The following AGPAT4 variants were observed in gnomAD, a reference collection of about 807,000 sequenced individuals.
AGPAT4 encodes 1-acylglycerol-3-phosphate O-acyltransferase 4.
Under a neutral mutation model 48.0 loss-of-function variants are expected in AGPAT4, and 15 were observed. The ratio of observed to expected loss-of-function variants is 0.31; its 90% CI spans 0.21 to 0.48. AGPAT4 has a LOEUF of 0.48. Ranked by LOEUF, AGPAT4 falls within the 20% of genes least tolerant of loss-of-function variation. AGPAT4 has a pLI of 0.99. For synonymous variants in AGPAT4, 178 were observed against 198.7 expected (o/e 0.90, Z 0.88); for missense variants, 314 against 482.5 (o/e 0.65, Z 3.27).
Position 161,159,232 on chromosome 6 carries a change from C to T in AGPAT4, c.349-4922G>A, listed in dbSNP as rs1362616883. On this transcript the variant is annotated intron_variant, in intron 3 of 8. Transcript: ENST00000320285. The surrounding 1 kb of genome is among the most constrained non-coding windows in gnomAD (Gnocchi z 4.1). ...GTCTCCCCATAGCACAGCCTCCATTCTGATGTATGGTGCATAAGCGCATCA... is the reference window on the plus strand; with the variant it reads ...GTCTCCCCATAGCACAGCCTCCATTTTGATGTATGGTGCATAAGCGCATCA... Among the ~76,000 whole-genome samples the T allele has an allele frequency of 1.3e-5, 2 of 152,198 alleles. No homozygotes were observed. Among genetic ancestry groups the T allele is most frequent in the Non-Finnish European group, 2.9e-5 (2 of 68,042 alleles).
chr6:161,139,423 C>T lies in AGPAT4; in HGVS notation c.1041G>A (p.Val347=). The change falls in exon 8 of 9, where the codon GTG becomes GTA. Residue 347 remains valine, a splice_region_variant and synonymous_variant. Coordinates refer to ENST00000320285, the MANE Select transcript of AGPAT4 (RefSeq NM_020133.3). The surrounding 1 kb of genome is among the most constrained non-coding windows in gnomAD (Gnocchi z 9.1). ...TLASFILVFF[V]ASVGVRWMIG... is the part of the protein sequence containing the mutation. The stretch of plus-strand genomic sequence containing the variant: ...ACCAGCCCCTTGCCCTCCACTCACC[C>T]ACAAAGAAGACGAGGATGAAGCTGG... 6.2e-7 allele frequency: 1 copy of T among 1,613,926 alleles called. No individual in the cohort carries two copies. The highest frequency in any genetic ancestry group is 1.1e-5 in the South Asian group (1 of 91,064).
At chr6:161,228,660 G>GAAAAAAAAAAAAAA (rs1562347784) in intron 2 of AGPAT4, among the ~76,000 whole-genome samples, 1 of 53,018 alleles carries the variant, frequency 1.9e-5, no homozygotes, top group African/African-American at 1.8e-4. Context: ...TGTCAGAGAG[G>GAAAAAAAAAAAAAA]TAAAAAAAAA....
chr6:161,210,087 T>G (rs530297099), intron 2 of AGPAT4, among the ~76,000 whole-genome samples: 1 of 152,322 alleles, frequency 6.6e-6, no homozygotes, highest in East Asian at 1.9e-4. Flanking sequence ...TCTCCCTTTT[T>G]GAAGACCCAG....
chr6:161,255,897 T>A lies in AGPAT4; in HGVS notation c.-90+18041A>T, dbSNP rs1254559736. 6.6e-6 allele frequency among the ~76,000 whole-genome samples: 1 copy of A among 152,104 alleles called. No homozygotes were observed. Among genetic ancestry groups the A allele is most frequent in the Non-Finnish European group, 1.5e-5 (1 of 68,024 alleles). On this transcript the variant is annotated intron_variant, in intron 1 of 8. Transcript: ENST00000320285. The surrounding 1 kb of genome is among the most constrained non-coding windows in gnomAD (Gnocchi z 4.7). The stretch of plus-strand genomic sequence containing the variant: ...TAAATTATATCTCAATAAAGCTGTA[T>A]GTAAAAACAAAGAAAAAAACACTGG...
Position 161,208,876 on chromosome 6 carries a change from A to G in AGPAT4, c.178+23160T>C, listed in dbSNP as rs1053322460. Reference sequence around the variant, plus strand: ...TGCACAGCTGCCTAACAGGAAAAAAATCATTAATAATCAGGTGAAACAATG... The same window carrying G: ...TGCACAGCTGCCTAACAGGAAAAAAGTCATTAATAATCAGGTGAAACAATG... On this transcript the variant is annotated intron_variant, in intron 2 of 8. Transcript: ENST00000320285. The surrounding 1 kb of genome is among the most constrained non-coding windows in gnomAD (Gnocchi z 4.6). Among the ~76,000 whole-genome samples the G allele has an allele frequency of 6.6e-6, 1 of 152,228 alleles. No individual in the cohort carries two copies. The highest frequency in any genetic ancestry group is 2.4e-5 in the African/African-American group (1 of 41,456).
In AGPAT4 at chr6:161,225,249, C is replaced by T. The variant is rs1186688389; in HGVS notation, c.178+6787G>A. ...CCATTTTTCCCGCCAAACCACTCAC[C>T]CCGTCACTCTCTTTAAATTAGCCAA... On this transcript the variant is annotated intron_variant, in intron 2 of 8. Transcript: ENST00000320285. The surrounding 1 kb of genome is among the most constrained non-coding windows in gnomAD (Gnocchi z 5.0). 6.6e-6 allele frequency among the ~76,000 whole-genome samples: 1 copy of T among 152,158 alleles called. No individual in the cohort carries two copies. The highest frequency in any genetic ancestry group is 1.9e-4 in the East Asian group (1 of 5,192).
Position 161,249,732 on chromosome 6 carries a change from A to G in AGPAT4, c.-89-17430T>C, listed in dbSNP as rs1782753778. Among the ~76,000 whole-genome samples, 1 of 152,094 alleles carries G rather than the reference A, an allele frequency of 6.6e-6. No homozygotes were observed. The highest frequency in any genetic ancestry group is 6.5e-5 in the Admixed American group (1 of 15,274). On this transcript the variant is annotated intron_variant, in intron 1 of 8. Transcript: ENST00000320285. This position sits in a 1 kb window ranked among gnomAD's most constrained non-coding sequence, Gnocchi z 6.2. ...GGTGGGAGTGTAAGTTAGTTCAACC[A>G]TTGTGGAAAACAGTGTCGCAATTCC...
In AGPAT4 at chr6:161,204,308, T is replaced by A. The variant is rs1781320189; in HGVS notation, c.178+27728A>T. Among the ~76,000 whole-genome samples the A allele has an allele frequency of 1.3e-5, 2 of 152,226 alleles. No individual in the cohort carries two copies. The highest frequency in any genetic ancestry group is 4.8e-5 in the African/African-American group (2 of 41,468). ...ATGTCTGAAATTTGAGGAGATGATC[T>A]CTAAGTTGGCCCGAATACATTTTCA... is the stretch of plus-strand genomic sequence containing the variant. On this transcript the variant is annotated intron_variant, in intron 2 of 8. Transcript: ENST00000320285. The surrounding 1 kb of genome is among the most constrained non-coding windows in gnomAD (Gnocchi z 4.4).
intron 2 of AGPAT4, among the ~76,000 whole-genome samples, chr6:161,172,631 ATTTTTAT>A (rs1013577532): frequency 1.3e-5 from 2 of 152,118 alleles, no homozygotes; most frequent in African/African-American, 4.8e-5. Flanking sequence ...CTTTTGTCAT[ATTTTTAT>A]TTTTTATTTA....
chr6:161,243,934 T>A lies in AGPAT4; in HGVS notation c.-89-11632A>T, dbSNP rs774949500. Among the ~76,000 whole-genome samples the A allele has an allele frequency of 6.6e-6, 1 of 152,236 alleles. No individual in the cohort carries two copies. Among genetic ancestry groups the A allele is most frequent in the Non-Finnish European group, 1.5e-5 (1 of 68,036 alleles). ...TTTTAATGAAATGATTATGTCCTTA[T>A]TCCCAGCCCAGAGGAAGGCAGTTCA... is the stretch of plus-strand genomic sequence containing the variant. On this transcript the variant is annotated intron_variant, in intron 1 of 8. Transcript: ENST00000320285. The surrounding 1 kb of genome is among the most constrained non-coding windows in gnomAD (Gnocchi z 4.8).
intron 2 of AGPAT4, among the ~76,000 whole-genome samples, chr6:161,205,067 T>A (rs1368848024): frequency 6.6e-6 from 1 of 152,152 alleles, no homozygotes; most frequent in Non-Finnish European, 1.5e-5. Flanking sequence ...CTGCAGGCAC[T>A]CTGTGCTGGA....
rs138186375 is a variant in AGPAT4 at position 161,144,223 on chromosome 6, C to T, written c.843+2301G>A. ...GCAAAGGGCCAGCCTCCCAGGCCTGCTCACAGACACATACTGCTTAGAGAA... is the reference window on the plus strand; with the variant it reads ...GCAAAGGGCCAGCCTCCCAGGCCTGTTCACAGACACATACTGCTTAGAGAA... On this transcript the variant is annotated intron_variant, in intron 7 of 8. Coordinates refer to ENST00000320285, the MANE Select transcript of AGPAT4 (RefSeq NM_020133.3). The surrounding 1 kb of genome is among the most constrained non-coding windows in gnomAD (Gnocchi z 6.6). 1 of 530,908 alleles carries T rather than the reference C, an allele frequency of 1.9e-6. No individual in the cohort carries two copies. The highest frequency in any genetic ancestry group is 1.9e-5 in the African/African-American group (1 of 51,992). The allele number at this position is 530,908 out of a possible 1,614,324, so 32.9% of individuals were successfully genotyped here.
In AGPAT4 at chr6:161,198,808, C is replaced by A. The variant is rs905023147; in HGVS notation, c.179-32391G>T. On this transcript the variant is annotated intron_variant, in intron 2 of 8. Coordinates refer to ENST00000320285, the MANE Select transcript of AGPAT4 (RefSeq NM_020133.3). The surrounding 1 kb of genome is among the most constrained non-coding windows in gnomAD (Gnocchi z 4.3). The stretch of plus-strand genomic sequence containing the variant: ...TGTTAACAGGGAAACTGACCTGGAA[C>A]GTATATGTTGTTTCGAGTAAAGACA... Among the ~76,000 whole-genome samples the A allele has an allele frequency of 6.6e-6, 1 of 152,094 alleles. No homozygotes were observed. Among genetic ancestry groups the A allele is most frequent in the Non-Finnish European group, 1.5e-5 (1 of 68,028 alleles).
chr6:161,172,984 T>C (rs1205873231), intron 2 of AGPAT4, among the ~76,000 whole-genome samples: 1 of 152,244 alleles, frequency 6.6e-6, no homozygotes, highest in African/African-American at 2.4e-5. Context: ...CATCCTTTTT[T>C]ATGGCTGCAT....
chr6:161,136,389 C>A lies in AGPAT4; in HGVS notation c.*151G>T. On this transcript the variant is annotated 3_prime_UTR_variant, in exon 9 of 9. Transcript: ENST00000320285. ...CAAAACATCTTCCTCCCCATCCGGC[C>A]TTGAGACCAGACTCCCTGGCTGGAG... The A allele has an allele frequency of 1.5e-6, 1 of 646,308 alleles. No homozygotes were observed. Among genetic ancestry groups the A allele is most frequent in the Non-Finnish European group, 2.7e-6 (1 of 367,462 alleles). The allele number at this position is 646,308 out of a possible 1,614,324, so 40.0% of individuals were successfully genotyped here. A position where few individuals can be genotyped will look rare whatever the true frequency, so the allele number is the denominator to read the frequency against.
At position 161,146,565 on chromosome 6, in the gene AGPAT4, C is replaced by T; in HGVS notation, c.802G>A (p.Asp268Asn). 6.2e-7 allele frequency: 1 copy of T among 1,614,146 alleles called. No homozygotes were observed. The highest frequency in any genetic ancestry group is 8.5e-7 in the Non-Finnish European group (1 of 1,180,030). Residue 268 changes from aspartate (D) to asparagine (N), a missense_variant, in exon 7 of 9, where the codon GAC (aspartate) becomes AAC (asparagine). Physicochemically the swap from Asp to Asn is conservative, Grantham distance 23. Transcript: ENST00000320285. The surrounding 1 kb of genome is among the most constrained non-coding windows in gnomAD (Gnocchi z 7.1). ...TTGTGCAGCCAGGCCGAGCACTCGT[C>T]ATCGTCTTCAGGGATGTCTTCCAGT... is the stretch of plus-strand genomic sequence containing the variant. Reference protein sequence around the residue: ...IPLEDIPEDDDECSAWLHKLY... With the variant: ...IPLEDIPEDDNECSAWLHKLY...
Position 161,198,492 on chromosome 6 carries a change from T to C in AGPAT4, c.179-32075A>G, listed in dbSNP as rs1045120708. 6.6e-6 allele frequency among the ~76,000 whole-genome samples: 1 copy of C among 152,188 alleles called. No homozygotes were observed. Among genetic ancestry groups the C allele is most frequent in the Non-Finnish European group, 1.5e-5 (1 of 68,026 alleles). ...GTCCCAAGTGTCAACACAGCTGAGGTTGAGAAACCTGTCTTACGGCCATGA... is the reference window on the plus strand; with the variant it reads ...GTCCCAAGTGTCAACACAGCTGAGGCTGAGAAACCTGTCTTACGGCCATGA... On this transcript the variant is annotated intron_variant, in intron 2 of 8. Transcript: ENST00000320285. The surrounding 1 kb of genome is among the most constrained non-coding windows in gnomAD (Gnocchi z 4.3).
intron 2 of AGPAT4, among the ~76,000 whole-genome samples, chr6:161,168,132 T>TGGGGGGGGG: frequency 8.1e-6 from 1 of 123,994 alleles, no homozygotes; most frequent in Non-Finnish European, 1.7e-5. Context: ...GGTGGTGGGG[T>TGGGGGGGGG]GGGGGGCTAG....
rs1781330404 is a variant in AGPAT4 at position 161,204,662 on chromosome 6, T to G, written c.178+27374A>C. On this transcript the variant is annotated intron_variant, in intron 2 of 8. Coordinates refer to ENST00000320285, the MANE Select transcript of AGPAT4 (RefSeq NM_020133.3). This position sits in a 1 kb window ranked among gnomAD's most constrained non-coding sequence, Gnocchi z 4.4. ...ATGTCAATCAAAATTGATGTATGGT[T>G]GTTTGTCATCAGCAGCTGTTAAAAA... Among the ~76,000 whole-genome samples the G allele has an allele frequency of 6.6e-6, 1 of 152,094 alleles. No homozygotes were observed. The highest frequency in any genetic ancestry group is 2.4e-5 in the African/African-American group (1 of 41,418).
Sources: gnomAD v4.1 joint callset for allele counts (sites outside exome capture counted in the v4.1 genomes callset) on GRCh38, gnomAD v4.1.1 for gene constraint, Gnocchi (gnomAD v3.1) non-coding constraint, MANE v1.5 for transcripts, NCBI Gene and HGNC (gene_info 2026-07-23, HGNC 2026-07-21) for gene names.